Variants in COL14A1 observed in about 807,000 individuals in gnomAD.
COL14A1 encodes collagen type XIV alpha 1 chain.
A neutral mutation model predicts 230.3 loss-of-function variants in COL14A1; 136 were observed. The observed-to-expected ratio is 0.59, with a 90% CI of 0.51 to 0.68. The LOEUF is 0.68. Ranked by LOEUF, COL14A1 falls within the 30% of genes least tolerant of loss-of-function variation. COL14A1 has a pLI of 0.00. For synonymous variants in COL14A1, 792 were observed against 784.1 expected (o/e 1.01, Z -0.17); for missense variants, 1,976 against 2,215.8 (o/e 0.89, Z 2.17).
intron 40 of COL14A1, among the ~76,000 whole-genome samples, chr8:120,326,320 C>G (rs1478475778): frequency 6.6e-6 from 1 of 152,216 alleles, no homozygotes; most frequent in Non-Finnish European, 1.5e-5. Context: ...AGTCTCTCAG[C>G]ATAGCACACT....
intron 12 of COL14A1, among the ~76,000 whole-genome samples, chr8:120,211,029 A>T (rs1233186276): frequency 6.6e-6 from 1 of 152,218 alleles, no homozygotes; most frequent in African/African-American, 2.4e-5. Flanking sequence ...TTAAAGTCTG[A>T]TAATACTGTG....
chr8:120,256,319 T>C (rs1400841860), intron 23 of COL14A1, among the ~76,000 whole-genome samples: 2 of 152,212 alleles, frequency 1.3e-5, no homozygotes, highest in Admixed American at 6.5e-5. Context: ...TTCCTGACTA[T>C]AGCTATATTC....
At chr8:120,307,041 G>A (rs1005786742) in intron 36 of COL14A1, among the ~76,000 whole-genome samples, 7 of 152,164 alleles carry the variant, frequency 4.6e-5, no homozygotes, top group African/African-American at 1.7e-4. Flanking sequence ...AGATTTAGAG[G>A]GAGATGGTCT....
chr8:120,240,873 A>G (rs1269004372), intron 19 of COL14A1, among the ~76,000 whole-genome samples: 1 of 152,222 alleles, frequency 6.6e-6, no homozygotes, highest in African/African-American at 2.4e-5. Context: ...AAATAAAACT[A>G]TAGTACCTGT....
At chr8:120,324,725 T>C (rs1052805976) in intron 40 of COL14A1, among the ~76,000 whole-genome samples, 2 of 152,162 alleles carry the variant, frequency 1.3e-5, no homozygotes, top group Non-Finnish European at 2.9e-5. Context: ...GCCGGAATCT[T>C]AAGGTTAGTA....
chr8:120,180,453 A>C (rs1339122588), intron 5 of COL14A1, among the ~76,000 whole-genome samples: 1 of 152,184 alleles, frequency 6.6e-6, no homozygotes, highest in Admixed American at 6.5e-5. Context: ...CTTCAGTAGA[A>C]ACACACTCTA....
rs1333792097 is a variant in COL14A1 at position 120,315,984 on chromosome 8, C to T, written c.4646C>T (p.Ser1549Leu). Residue 1549 changes from serine to leucine, a missense_variant, in exon 40 of 48, where the codon TCA becomes TTA. Coordinates refer to ENST00000297848, the MANE Select transcript of COL14A1 (RefSeq NM_021110.4). Reference sequence around the variant, plus strand: ...GTTGGTTCACCAGGACGTGATGGCTCACCAGGCCAGAGGGTAAGGTCTTGC... The same window carrying T: ...GTTGGTTCACCAGGACGTGATGGCTTACCAGGCCAGAGGGTAAGGTCTTGC... ...GGVGSPGRDG[S>L]PGQRGLPGKD... is the part of the protein sequence containing the mutation. 2 of 1,614,020 alleles carry T rather than the reference C, an allele frequency of 1.2e-6. No homozygotes were observed. The highest frequency in any genetic ancestry group is 2.7e-5 in the African/African-American group (2 of 75,038).
At chr8:120,208,923 A>G (rs976633302) in intron 11 of COL14A1, among the ~76,000 whole-genome samples, 1 of 152,218 alleles carries the variant, frequency 6.6e-6, no homozygotes, top group South Asian at 2.1e-4. Flanking sequence ...CGAACATCTT[A>G]TAGTCATTTC....
intron 14 of COL14A1, 142 bp downstream of exon 14, chr8:120,216,632 G>T (rs529644636): frequency 1.7e-5 from 15 of 872,362 alleles, no homozygotes; most frequent in Non-Finnish European, 2.5e-5. Context: ...ATGTAGGTCA[G>T]GAATTGGGGT....
At position 120,231,499 on chromosome 8, in the gene COL14A1, G is replaced by A. The variant is rs114262403; in HGVS notation, c.2230G>A (p.Gly744Ser). 10,497 of 1,613,950 alleles carry A rather than the reference G, an allele frequency of 6.5e-3. 74 individuals carry two copies. Among genetic ancestry groups the A allele is most frequent in the Non-Finnish European group, 6.7e-3 (7,938 of 1,179,966 alleles). ...GACGGGAATCAGAAACCTAGTTGTA[G>A]GTGATGAAACTACTTCTAGCCTGCG... ...FQTGIRNLVV[G>S]DETTSSLRVK... Residue 744 changes from glycine (G) to serine (S), a missense_variant, in exon 19 of 48, where the codon GGT (glycine) becomes AGT (serine). Coordinates refer to ENST00000297848, the MANE Select transcript of COL14A1 (RefSeq NM_021110.4).
chr8:120,272,836 A>G (rs2129840397), intron 26 of COL14A1, among the ~76,000 whole-genome samples: 1 of 151,882 alleles, frequency 6.6e-6, no homozygotes, highest in South Asian at 2.1e-4. Context: ...ACAACAACAC[A>G]ATAATAGTGG....
chr8:120,238,647 T>C (rs1357058182), intron 19 of COL14A1, among the ~76,000 whole-genome samples: 1 of 152,124 alleles, frequency 6.6e-6, no homozygotes, highest in Non-Finnish European at 1.5e-5. Flanking sequence ...CCAGGCATCA[T>C]GGGGTATGAA....
In COL14A1 at chr8:120,183,254, G is replaced by C. The variant is rs867418413; in HGVS notation, c.437-13537G>C. On this transcript the variant is annotated intron_variant, in intron 5 of 47. Coordinates refer to ENST00000297848, the MANE Select transcript of COL14A1 (RefSeq NM_021110.4). ...GAGATATACATGGACGGGTCAAGTG[G>C]AGAGCTTTGGAAAGCACAATGAACA... is the stretch of plus-strand genomic sequence containing the variant. Among the ~76,000 whole-genome samples the C allele has an allele frequency of 2.7e-4, 41 of 152,218 alleles. No individual in the cohort carries two copies. In the Middle Eastern group the frequency reaches 0.01, roughly 38 times the overall value.
intron 2 of COL14A1, among the ~76,000 whole-genome samples, chr8:120,157,159 G>C (rs894236531): frequency 1.3e-5 from 2 of 152,084 alleles, no homozygotes; most frequent in Non-Finnish European, 2.9e-5. Flanking sequence ...GTACATTTTT[G>C]TAAACTGTCA....
At chr8:120,339,681 G>T (rs913355068) in intron 42 of COL14A1, among the ~76,000 whole-genome samples, 1 of 151,924 alleles carries the variant, frequency 6.6e-6, no homozygotes, top group African/African-American at 2.4e-5. Flanking sequence ...AAAATGGAAA[G>T]AATTTTGAGT....
chr8:120,227,730 T>C (rs1193540060), intron 17 of COL14A1, among the ~76,000 whole-genome samples: 2 of 152,134 alleles, frequency 1.3e-5, no homozygotes, highest in Admixed American at 1.3e-4. Context: ...CAAATAAACC[T>C]AGGGCCAACA....
At chr8:120,322,623 A>G (rs1821494430) in intron 40 of COL14A1, among the ~76,000 whole-genome samples, 2 of 152,028 alleles carry the variant, frequency 1.3e-5, no homozygotes, top group South Asian at 4.2e-4. Flanking sequence ...TTTAGCTCCC[A>G]CTTGTAAGTG....
intron 14 of COL14A1, among the ~76,000 whole-genome samples, chr8:120,223,057 T>A (rs1207090645): frequency 6.6e-6 from 1 of 151,764 alleles, no homozygotes; most frequent in Non-Finnish European, 1.5e-5. Flanking sequence ...ACAGACAGAG[T>A]GAACTGCATG....
At chr8:120,145,644 A>G (rs1294158820) in intron 1 of COL14A1, among the ~76,000 whole-genome samples, 2 of 152,070 alleles carry the variant, frequency 1.3e-5, no homozygotes, top group Non-Finnish European at 2.9e-5. Context: ...CAAACAAACA[A>G]TGCATCTTGT....
Sources: gnomAD v4.1 joint callset for allele counts (sites outside exome capture counted in the v4.1 genomes callset) on GRCh38, gnomAD v4.1.1 for gene constraint, MANE v1.5 for transcripts, NCBI Gene and HGNC (gene_info 2026-07-23, HGNC 2026-07-21) for gene names.